The following ARK2C variants were observed in gnomAD, a reference collection of about 807,000 sequenced individuals.
ARK2C encodes arkadia (RNF111) C-terminal like ring finger ubiquitin ligase 2C.
At chr18:46,353,435 T>A in the ARK2C span, among the ~76,000 whole-genome samples, 1 of 152,184 alleles carries the variant, frequency 6.6e-6, no homozygotes, top group Non-Finnish European at 1.5e-5. Flanking sequence ...GTCTGTGACC[T>A]CTTGACAGGG....
At chr18:46,453,388 T>C in the ARK2C span, among the ~76,000 whole-genome samples, 1 of 152,284 alleles carries the variant, frequency 6.6e-6, no homozygotes, top group African/African-American at 2.4e-5. Context: ...CTACCGAGGA[T>C]GCACGCCTCA....
chr18:46,441,892 C>T, the ARK2C span, among the ~76,000 whole-genome samples: 277 of 137,142 alleles, frequency 2.0e-3, 2 homozygotes, highest in African/African-American at 7.6e-3. Flanking sequence ...AGGCCGGGCG[C>T]GGTGGCTCAC....
the ARK2C span, among the ~76,000 whole-genome samples, chr18:46,440,861 GT>G: frequency 2.5e-4 from 37 of 148,650 alleles, no homozygotes; most frequent in African/African-American, 5.9e-4. Context: ...GGTTTATAGG[GT>G]TTTTTTTTTC....
chr18:46,453,607 A>T, the ARK2C span, among the ~76,000 whole-genome samples: 1,789 of 152,238 alleles, frequency 0.012, 37 homozygotes, highest in African/African-American at 0.041. Context: ...ATGTGGAAAA[A>T]ACCCTTAAAA....
the ARK2C span, chr18:46,450,591 G>A: frequency 1.2e-6 from 1 of 869,350 alleles, no homozygotes; most frequent in Non-Finnish European, 1.9e-6. Flanking sequence ...AGTTCTTCCT[G>A]ATAGCTATGT....
chr18:46,450,501 T>G, the ARK2C span: 1 of 920,036 alleles, frequency 1.1e-6, no homozygotes, highest in South Asian at 1.4e-5. Flanking sequence ...GGTATGGGTG[T>G]CAGGAAGCTT....
chr18:46,438,186 G>A, the ARK2C span, among the ~76,000 whole-genome samples: 1 of 152,264 alleles, frequency 6.6e-6, no homozygotes, highest in Non-Finnish European at 1.5e-5. Flanking sequence ...TGTGGCTTTA[G>A]GTCTGTGGGA....
chr18:46,339,888 T>A, the ARK2C span, among the ~76,000 whole-genome samples: 1 of 152,372 alleles, frequency 6.6e-6, no homozygotes, highest in East Asian at 1.9e-4. Context: ...TGCCCCACCC[T>A]GTCCTTCCCA....
chr18:46,444,182 C>A, the ARK2C span, among the ~76,000 whole-genome samples: 1 of 151,924 alleles, frequency 6.6e-6, no homozygotes, highest in Non-Finnish European at 1.5e-5. Flanking sequence ...TTTTTAAGAT[C>A]CTGTCTTTAT....
At chr18:46,451,961 G>A in the ARK2C span, among the ~76,000 whole-genome samples, 3 of 152,190 alleles carry the variant, frequency 2.0e-5, no homozygotes, top group African/African-American at 4.8e-5. Context: ...CAAAACTATG[G>A]AGACAATAAA....
chr18:46,355,732 C>A, the ARK2C span, among the ~76,000 whole-genome samples: 1 of 101,046 alleles, frequency 9.9e-6, no homozygotes, highest in Admixed American at 1.1e-4. Flanking sequence ...GCTGTGGCTC[C>A]CCTCTATCTC....
chr18:46,366,292 CAAA>C, the ARK2C span, among the ~76,000 whole-genome samples: 432 of 54,454 alleles, frequency 7.9e-3, 2 homozygotes, highest in African/African-American at 0.023. Context: ...AACTCTGGCT[CAAA>C]AAAAAAAAAA....
chr18:46,358,678 G>A, the ARK2C span, among the ~76,000 whole-genome samples: 1 of 152,064 alleles, frequency 6.6e-6, no homozygotes, highest in East Asian at 1.9e-4. Flanking sequence ...CAGAGCCTCC[G>A]GCCCTTACTG....
chr18:46,348,097 G>A, the ARK2C span, among the ~76,000 whole-genome samples: 3 of 152,158 alleles, frequency 2.0e-5, no homozygotes, highest in Non-Finnish European at 2.9e-5. Flanking sequence ...TAAGGTATGT[G>A]CTGGGTGTTC....
At chr18:46,454,547 A>AAAT in the ARK2C span, among the ~76,000 whole-genome samples, 15 of 152,334 alleles carry the variant, frequency 9.8e-5, no homozygotes, top group East Asian at 2.3e-3. Context: ...AGAGCAGAAC[A>AAAT]AATAGATTTT....
At chr18:46,377,638 G>A in the ARK2C span, among the ~76,000 whole-genome samples, 1 of 152,170 alleles carries the variant, frequency 6.6e-6, no homozygotes, top group Non-Finnish European at 1.5e-5. Flanking sequence ...ACATATGAAG[G>A]CTCTATGAAC....
the ARK2C span, chr18:46,334,401 G>T: frequency 7.0e-7 from 1 of 1,430,126 alleles, no homozygotes. The surrounding 1 kb of genome is among the most constrained non-coding windows in gnomAD (Gnocchi z 4.4). Context: ...GGGCGGGGGC[G>T]GGCGCCGCGG....
At chr18:46,389,371 G>A in the ARK2C span, among the ~76,000 whole-genome samples, 1 of 152,176 alleles carries the variant, frequency 6.6e-6, no homozygotes, top group Non-Finnish European at 1.5e-5. Context: ...TAAACACACT[G>A]GATAAAGTCC....
the ARK2C span, among the ~76,000 whole-genome samples, chr18:46,393,040 T>G: frequency 8.3e-4 from 126 of 152,216 alleles, no homozygotes; most frequent in Non-Finnish European, 1.3e-3. Context: ...CCTGGGGACT[T>G]GCTCACAGGC....
Sources: allele counts gnomAD v4.1 joint callset (sites outside exome capture counted in the v4.1 genomes callset), GRCh38; gene constraint gnomAD v4.1.1; non-coding constraint Gnocchi (gnomAD v3.1); transcripts MANE v1.5; gene names NCBI Gene and HGNC (gene_info 2026-07-23, HGNC 2026-07-21).